The following SLC20A2 variants were observed in gnomAD, a reference collection of about 807,000 sequenced individuals.
SLC20A2 encodes the protein solute carrier family 20 member 2.
Under a neutral mutation model 61.0 loss-of-function variants are expected in SLC20A2, and 30 were observed. The observed-to-expected ratio is 0.49, with a 90% CI of 0.37 to 0.67. SLC20A2 has a LOEUF of 0.67. Ranked by LOEUF, SLC20A2 falls within the 30% of genes least tolerant of loss-of-function variation. The probability of loss-of-function intolerance (pLI) is 0.00; values close to 1 mark genes in which losing one functional copy is unlikely to be tolerated. For synonymous variants in SLC20A2, 351 were observed against 353.3 expected (o/e 0.99, Z 0.07); for missense variants, 626 against 866.4 (o/e 0.72, Z 3.48).
intron 1 of SLC20A2, among the ~76,000 whole-genome samples, chr8:42,481,964 A>C (rs1808586208): frequency 6.6e-6 from 1 of 152,194 alleles, no homozygotes; most frequent in African/African-American, 2.4e-5. Flanking sequence ...TGTTTTCCAC[A>C]CAGCCTCTTA....
At chr8:42,515,604 TGAAGC>T (rs1163034297) in intron 1 of SLC20A2, among the ~76,000 whole-genome samples, 1 of 152,118 alleles carries the variant, frequency 6.6e-6, no homozygotes, top group African/African-American at 2.4e-5. Flanking sequence ...CACTAAGTGC[TGAAGC>T]CAGATTTGAA....
At chr8:42,448,082 T>C (rs936688487) in intron 5 of SLC20A2, among the ~76,000 whole-genome samples, 1 of 152,230 alleles carries the variant, frequency 6.6e-6, no homozygotes, top group South Asian at 2.1e-4. Context: ...GCACCAAAGC[T>C]GGTTCTTGCC....
chr8:42,447,856 A>G (rs1805348513), intron 5 of SLC20A2, among the ~76,000 whole-genome samples: 1 of 152,222 alleles, frequency 6.6e-6, no homozygotes, highest in African/African-American at 2.4e-5. Flanking sequence ...CTCAGCTCCC[A>G]TCCCCCTGAC....
intron 1 of SLC20A2, among the ~76,000 whole-genome samples, chr8:42,519,060 G>T (rs1476680046): frequency 1.3e-5 from 2 of 152,196 alleles, no homozygotes; most frequent in African/African-American, 2.4e-5. Context: ...TACTCAAACT[G>T]TAAGGTGCTG....
intron 1 of SLC20A2, among the ~76,000 whole-genome samples, chr8:42,506,384 G>T (rs890722129): frequency 6.6e-6 from 1 of 152,190 alleles, no homozygotes; most frequent in African/African-American, 2.4e-5. Flanking sequence ...TGGGGATAAT[G>T]TTGCTGACAT....
In SLC20A2 at chr8:42,501,189, C is replaced by G. The variant is rs535542630; in HGVS notation, c.-423G>C. ...CTTTTACAACTCATAGAACTAACCC[C>G]GGCTAAAATTAACTGCAGCCAAGCA... On this transcript the variant is annotated 5_prime_UTR_variant, in exon 1 of 11. Coordinates refer to ENST00000520262, the MANE Select transcript of SLC20A2 (RefSeq NM_001257180.2). 1 of 152,182 alleles carries G rather than the reference C, an allele frequency of 6.6e-6. No homozygotes were observed. The highest frequency in any genetic ancestry group is 2.4e-5 in the African/African-American group (1 of 41,438). 9.4% of individuals were successfully genotyped at this position (152,182 alleles called of 1,614,324 possible). A position where few individuals can be genotyped will look rare whatever the true frequency, so the allele number is the denominator to read the frequency against.
At chr8:42,524,785 T>C (rs1264026464) in intron 1 of SLC20A2, among the ~76,000 whole-genome samples, 1 of 103,680 alleles carries the variant, frequency 9.6e-6, no homozygotes, top group Non-Finnish European at 2.0e-5. Flanking sequence ...AAACTCCATC[T>C]CAAATAAATA....
chr8:42,466,855 A>G (rs1383814189), intron 2 of SLC20A2, among the ~76,000 whole-genome samples: 1 of 149,290 alleles, frequency 6.7e-6, no homozygotes, highest in East Asian at 1.9e-4. Context: ...TTTTTTGCAG[A>G]GACAGGATTT....
At chr8:42,428,110 G>A (rs1803553218) in intron 10 of SLC20A2, among the ~76,000 whole-genome samples, 1 of 152,114 alleles carries the variant, frequency 6.6e-6, no homozygotes, top group Non-Finnish European at 1.5e-5. Flanking sequence ...CTGGCCACCT[G>A]TGGATCACTC....
chr8:42,436,802 C>G (rs1470782100), intron 8 of SLC20A2, among the ~76,000 whole-genome samples, 187 bp downstream of exon 8: 1 of 152,234 alleles, frequency 6.6e-6, no homozygotes, highest in African/African-American at 2.4e-5. Context: ...ACCTTACTTT[C>G]CTGTTAACAC....
At chr8:42,494,650 T>C (rs944244519) in intron 1 of SLC20A2, among the ~76,000 whole-genome samples, 4 of 152,248 alleles carry the variant, frequency 2.6e-5, no homozygotes, top group African/African-American at 9.6e-5. Flanking sequence ...TGCGTAGTGT[T>C]CTATGCTGTG....
upstream of SLC20A2, among the ~76,000 whole-genome samples, chr8:42,505,871 AGAGT>A (rs1313076410): frequency 1.3e-5 from 2 of 152,004 alleles, no homozygotes; most frequent in Non-Finnish European, 2.9e-5. Flanking sequence ...CCTGGATGAC[AGAGT>A]GAGACTCTAT....
chr8:42,495,831 C>A (rs1809883254), intron 1 of SLC20A2, among the ~76,000 whole-genome samples: 1 of 151,774 alleles, frequency 6.6e-6, no homozygotes, highest in South Asian at 2.1e-4. Context: ...CTCACTGCAA[C>A]CTCCACCTCC....
At chr8:42,489,861 G>C (rs1383437203) in intron 1 of SLC20A2, among the ~76,000 whole-genome samples, 1 of 152,122 alleles carries the variant, frequency 6.6e-6, no homozygotes, top group Non-Finnish European at 1.5e-5. Flanking sequence ...CTGAATAAAG[G>C]GGCAGCTCAA....
chr8:42,532,507 T>C (rs1029016866), intron 1 of SLC20A2, among the ~76,000 whole-genome samples: 1 of 152,070 alleles, frequency 6.6e-6, no homozygotes, highest in African/African-American at 2.4e-5. Flanking sequence ...ACTAATCTAA[T>C]TCTTAGAAAC....
intron 1 of SLC20A2, among the ~76,000 whole-genome samples, chr8:42,506,615 G>C (rs574748234): frequency 1.3e-5 from 2 of 152,196 alleles, no homozygotes; most frequent in African/African-American, 4.8e-5. Flanking sequence ...TCAAATGGTC[G>C]TTAAGTATTT....
intron 1 of SLC20A2, among the ~76,000 whole-genome samples, chr8:42,517,402 A>G (rs964280279): frequency 6.6e-5 from 10 of 151,750 alleles, no homozygotes; most frequent in Non-Finnish European, 1.3e-4. Context: ...ATAAATAAAT[A>G]AGTAATAAAT....
At chr8:42,424,289 C>T (rs981014465) in intron 10 of SLC20A2, among the ~76,000 whole-genome samples, 1 of 140,120 alleles carries the variant, frequency 7.1e-6, no homozygotes, top group South Asian at 2.3e-4. Context: ...TTTTCAAAAC[C>T]GGTTTCTGTG....
chr8:42,517,322 C>T (rs141854468), intron 1 of SLC20A2, among the ~76,000 whole-genome samples: 41 of 148,896 alleles, frequency 2.8e-4, no homozygotes, highest in Non-Finnish European at 5.0e-4. Context: ...GGGCCGTGTT[C>T]GTGCCACTGC....
Sources: allele counts gnomAD v4.1 joint callset (sites outside exome capture counted in the v4.1 genomes callset), GRCh38; gene constraint gnomAD v4.1.1; transcripts MANE v1.5; gene names NCBI Gene and HGNC (gene_info 2026-07-23, HGNC 2026-07-21).